LGSN: variants seen among roughly 807,000 people sequenced by gnomAD.
LGSN encodes the protein lengsin, lens protein with glutamine synthetase domain.
In LGSN, 21 loss-of-function variants were observed where a neutral mutation model predicts 19.5. The ratio of observed to expected loss-of-function variants is 1.07; its 90% confidence interval spans 0.76 to 1.55. The LOEUF is 1.55. Ranked by LOEUF, LGSN falls within the 40% of genes most tolerant of loss-of-function variation. LGSN has a pLI of 0.00. For missense variants in LGSN, 673 were observed against 608.5 expected, an observed-to-expected ratio of 1.11 and a Z score of -1.12; for synonymous variants, 257 against 215.6, an observed-to-expected ratio of 1.19 and a Z score of -1.68.
At chr6:63,412,734 A>ACG in the LGSN span, among the ~76,000 whole-genome samples, 28 of 45,520 alleles carry the variant, frequency 6.2e-4, 3 homozygotes, top group African/African-American at 3.2e-3. Context: ...AAAGAAAGAA[A>ACG]GAAAGAAAGA....
At chr6:63,507,423 A>T in the LGSN span, among the ~76,000 whole-genome samples, 1 of 152,186 alleles carries the variant, frequency 6.6e-6, no homozygotes, top group Non-Finnish European at 1.5e-5. Flanking sequence ...AATATGGTCA[A>T]GCTGGATGCA....
the LGSN span, among the ~76,000 whole-genome samples, chr6:63,560,709 G>T: frequency 6.6e-6 from 1 of 152,056 alleles, no homozygotes; most frequent in African/African-American, 2.4e-5. Flanking sequence ...CAGCCACAAA[G>T]CCTAATTTTT....
chr6:63,541,939 T>A, the LGSN span, among the ~76,000 whole-genome samples: 2 of 152,050 alleles, frequency 1.3e-5, no homozygotes, highest in African/African-American at 4.8e-5. Flanking sequence ...CATTTTAAAA[T>A]ATACTGGTAA....
the LGSN span, among the ~76,000 whole-genome samples, chr6:63,506,240 G>GTTT: frequency 2.9e-5 from 3 of 103,074 alleles, no homozygotes; most frequent in Non-Finnish European, 5.5e-5. Context: ...TCTTGTTGTT[G>GTTT]TTGGTGGTGG....
chr6:63,385,085 G>A, the LGSN span, among the ~76,000 whole-genome samples: 1 of 152,144 alleles, frequency 6.6e-6, no homozygotes, highest in Non-Finnish European at 1.5e-5. Context: ...TGTTCTTTAG[G>A]AAGCTCAGCC....
At chr6:63,505,566 AAAGAAAGAAAGAAAGAAAGAAAG>A in the LGSN span, among the ~76,000 whole-genome samples, 14 of 21,924 alleles carry the variant, frequency 6.4e-4, 2 homozygotes, top group South Asian at 3.5e-3. Context: ...AAAAAAAAAA[AAAGAAAGAAAGAAAGAAAGAAAG>A]AAAGAAAGAA....
chr6:63,509,304 A>G, the LGSN span, among the ~76,000 whole-genome samples: 1 of 152,050 alleles, frequency 6.6e-6, no homozygotes, highest in Non-Finnish European at 1.5e-5. Flanking sequence ...ACCTCAGGTG[A>G]TCCGCCTGCC....
At chr6:63,448,671 T>C in the LGSN span, among the ~76,000 whole-genome samples, 1 of 152,128 alleles carries the variant, frequency 6.6e-6, no homozygotes, top group Non-Finnish European at 1.5e-5. Context: ...TTTTTTGTTA[T>C]TGTTGTTTTT....
the LGSN span, among the ~76,000 whole-genome samples, chr6:63,325,601 G>T: frequency 1.3e-5 from 2 of 152,186 alleles, no homozygotes; most frequent in African/African-American, 4.8e-5. Context: ...GTAATAATGT[G>T]TCCGGAATTG....
intron 2 of LGSN, among the ~76,000 whole-genome samples, chr6:63,286,475 G>A (rs1767540336): frequency 6.6e-6 from 1 of 152,174 alleles, no homozygotes; most frequent in African/African-American, 2.4e-5. Flanking sequence ...AGAGCTAGAA[G>A]AGAACTTTGG....
the LGSN span, among the ~76,000 whole-genome samples, chr6:63,362,810 A>T: frequency 6.6e-6 from 1 of 152,168 alleles, no homozygotes; most frequent in Non-Finnish European, 1.5e-5. Context: ...AAATTCTGCA[A>T]ACTTAAACAT....
the LGSN span, among the ~76,000 whole-genome samples, chr6:63,505,414 C>T: frequency 6.6e-6 from 1 of 151,306 alleles, no homozygotes; most frequent in African/African-American, 2.4e-5. Context: ...CCCGTCTCTA[C>T]TAAAAATACA....
the LGSN span, among the ~76,000 whole-genome samples, chr6:63,367,031 C>T: frequency 6.6e-6 from 1 of 152,084 alleles, no homozygotes; most frequent in Non-Finnish European, 1.5e-5. Context: ...TAGGCATGGG[C>T]AAGGACTTCA....
At chr6:63,350,913 T>C in the LGSN span, among the ~76,000 whole-genome samples, 1 of 152,118 alleles carries the variant, frequency 6.6e-6, no homozygotes, top group Admixed American at 6.6e-5. Context: ...ATTGGTTTTT[T>C]ATCCTAATAA....
At chr6:63,390,292 G>T in the LGSN span, among the ~76,000 whole-genome samples, 1 of 151,326 alleles carries the variant, frequency 6.6e-6, no homozygotes, top group Admixed American at 6.6e-5. Context: ...ACCACTACTG[G>T]CTAATTTTTG....
chr6:63,442,322 G>C, the LGSN span, among the ~76,000 whole-genome samples: 2 of 152,172 alleles, frequency 1.3e-5, no homozygotes, highest in African/African-American at 4.8e-5. Flanking sequence ...AGCTTCCACA[G>C]CACAAAAGGG....
chr6:63,502,094 C>G, the LGSN span, among the ~76,000 whole-genome samples: 3 of 152,204 alleles, frequency 2.0e-5, no homozygotes, highest in Non-Finnish European at 4.4e-5. Context: ...GTCCCTGTGC[C>G]TGGCCCAGTG....
chr6:63,501,108 A>G, the LGSN span, among the ~76,000 whole-genome samples: 236 of 152,184 alleles, frequency 1.6e-3, no homozygotes, highest in Middle Eastern at 0.014. Flanking sequence ...CTGGTGGCTC[A>G]TGCCTATAGT....
At chr6:63,373,563 A>G in the LGSN span, among the ~76,000 whole-genome samples, 7 of 152,214 alleles carry the variant, frequency 4.6e-5, no homozygotes, top group African/African-American at 1.7e-4. Flanking sequence ...AAGAAATGTT[A>G]GGTCATAAAA....
Sources: allele counts gnomAD v4.1 joint callset (sites outside exome capture counted in the v4.1 genomes callset), GRCh38; gene constraint gnomAD v4.1.1; transcripts MANE v1.5; gene names NCBI Gene and HGNC (gene_info 2026-07-23, HGNC 2026-07-21).